ATAT1: variants seen among roughly 807,000 people sequenced by gnomAD.
ATAT1 encodes alpha tubulin acetyltransferase 1.
A neutral mutation model predicts 57.2 loss-of-function variants in ATAT1; 42 were observed. That is an observed-to-expected ratio of 0.73 (90% CI 0.57 to 0.95). The LOEUF (loss-of-function observed/expected upper bound fraction) is 0.95. ATAT1 is among the 40% of genes least tolerant of loss of function. ATAT1 has a pLI of 0.00. For missense variants in ATAT1, 454 were observed against 523.7 expected (o/e 0.87, Z 1.30); for synonymous variants, 168 against 187.1 (o/e 0.90, Z 0.83).
At chr6:30,640,675 G>C in intron 8 of ATAT1, 72 bp downstream of exon 8, 1 of 1,559,574 alleles carries the variant, frequency 6.4e-7, no homozygotes, top group African/African-American at 1.4e-5. Flanking sequence ...ACGGGGTACA[G>C]TGCCATCTGT....
chr6:30,642,513 C>G (rs566834285), intron 9 of ATAT1, among the ~76,000 whole-genome samples: 1 of 151,988 alleles, frequency 6.6e-6, no homozygotes, highest in Admixed American at 6.6e-5. Context: ...CACGGTGGCA[C>G]GTGCCTGTAA....
intron 10 of ATAT1, among the ~76,000 whole-genome samples, chr6:30,645,610 C>T (rs1766565015): frequency 6.6e-6 from 1 of 152,170 alleles, no homozygotes; most frequent in Admixed American, 6.5e-5. Flanking sequence ...TGAGTCTGTT[C>T]TTCTGACATG....
At position 30,642,793 on chromosome 6, in the gene ATAT1, T is replaced by C. The variant is rs1328704690; in HGVS notation, c.714T>C (p.Pro238=). 9 of 1,612,188 alleles carry C rather than the reference T, an allele frequency of 5.6e-6. No individual in the cohort carries two copies. In the East Asian group the frequency reaches 8.9e-5, roughly 16 times the overall value. Residue 238 remains proline (P), a synonymous_variant, in exon 10 of 13, where the codon CCT becomes CCC. Coordinates refer to ENST00000330083, the MANE Select transcript of ATAT1 (RefSeq NM_001031722.4). ...TTCTGAAGGTAGCTGTGGAGCCTCCTTGGCCCCTAAACAGGGCCCCTCGCC... is the reference window on the plus strand; with the variant it reads ...TTCTGAAGGTAGCTGTGGAGCCTCCCTGGCCCCTAAACAGGGCCCCTCGCC...
At chr6:30,643,448 C>T in intron 10 of ATAT1, 2 of 1,544,382 alleles carry the variant, frequency 1.3e-6, no homozygotes, top group Non-Finnish European at 1.7e-6. Flanking sequence ...TTCTCTTCAC[C>T]TCTGACTTCT....
intron 10 of ATAT1, chr6:30,643,811 G>A: frequency 2.2e-6 from 3 of 1,334,174 alleles, no homozygotes; most frequent in Non-Finnish European, 2.9e-6. Context: ...TTCCCAACAG[G>A]AAGTCTGATC....
intron 6 of ATAT1, among the ~76,000 whole-genome samples, chr6:30,635,077 TTG>T (rs759066341): frequency 3.3e-5 from 5 of 152,178 alleles, no homozygotes; most frequent in Non-Finnish European, 5.9e-5. Flanking sequence ...AGTAGTTGGT[TTG>T]TGTGAGATGG....
At chr6:30,643,541 C>A in intron 10 of ATAT1, 1 of 1,550,790 alleles carries the variant, frequency 6.4e-7, no homozygotes, top group Non-Finnish European at 8.7e-7. Context: ...CCCTTCCCCG[C>A]TCTGAGGAGA....
chr6:30,645,819 T>C (rs1352014905), intron 10 of ATAT1, 76 bp from the exon 11 acceptor site: 1 of 1,061,604 alleles, frequency 9.4e-7, no homozygotes. Flanking sequence ...CTTTTACTCC[T>C]CTCCTCTGAT....
intron 6 of ATAT1, among the ~76,000 whole-genome samples, chr6:30,637,235 C>T (rs1052282561): frequency 2.0e-5 from 3 of 152,104 alleles, no homozygotes; most frequent in African/African-American, 7.2e-5. Context: ...TGGATTCTTG[C>T]ACATCTTTTT....
At position 30,626,875 on chromosome 6, in the gene ATAT1, C is replaced by G. The variant is rs766730224; in HGVS notation, c.-329C>G. 5 of 1,601,154 alleles carry G rather than the reference C, an allele frequency of 3.1e-6. No homozygotes were observed. The highest frequency in any genetic ancestry group is 4.3e-6 in the Non-Finnish European group (5 of 1,174,532). On this transcript the variant is annotated 5_prime_UTR_variant, in exon 1 of 13. Transcript: ENST00000330083. Reference sequence around the variant, plus strand: ...GTCGTGTGGGGCGGGTCCGACCGCGCACAATGGGCCATGGAGTTCCCGTTC... The same window carrying G: ...GTCGTGTGGGGCGGGTCCGACCGCGGACAATGGGCCATGGAGTTCCCGTTC...
chr6:30,627,385 A>G (rs1057428344), intron 1 of ATAT1, 75 bp from the exon 2 acceptor site: 1 of 1,601,384 alleles, frequency 6.2e-7, no homozygotes, highest in East Asian at 2.2e-5. Context: ...GTTGTGGCCC[A>G]GGTTCCCAGG....
At chr6:30,628,794 G>A (rs1762211170) in intron 6 of ATAT1, among the ~76,000 whole-genome samples, 1 of 151,828 alleles carries the variant, frequency 6.6e-6, no homozygotes, top group Non-Finnish European at 1.5e-5. Flanking sequence ...TAGTGGAGAC[G>A]GAGTTACACC....
intron 6 of ATAT1, among the ~76,000 whole-genome samples, chr6:30,629,001 A>G (rs1235300407): frequency 2.0e-5 from 3 of 151,666 alleles, no homozygotes; most frequent in African/African-American, 7.3e-5. Context: ...TCTGGGCTCA[A>G]GCGATACTCC....
chr6:30,627,777 G>A (rs1761991905), intron 3 of ATAT1, 50 bp downstream of exon 3: 4 of 1,605,382 alleles, frequency 2.5e-6, no homozygotes, highest in African/African-American at 2.7e-5. Flanking sequence ...TCCTTCCTCA[G>A]CCCTTCCCCC....
chr6:30,643,665 A>G, intron 10 of ATAT1: 5 of 1,536,908 alleles, frequency 3.3e-6, no homozygotes, highest in Non-Finnish European at 4.4e-6. Flanking sequence ...ACCCAGTGGA[A>G]CCTGACAGAG....
chr6:30,639,479 C>CTTTT (rs979708714), intron 6 of ATAT1, among the ~76,000 whole-genome samples: 3 of 139,528 alleles, frequency 2.2e-5, no homozygotes, highest in African/African-American at 2.6e-5. Flanking sequence ...CACTTTCTTT[C>CTTTT]TTTTTTTTTT....
chr6:30,642,890 C>T lies in ATAT1; in HGVS notation c.811C>T (p.Arg271Cys), dbSNP rs1364073713. The stretch of plus-strand genomic sequence containing the variant: ...AAACTCACCAGAACGAGGTCCCCTC[C>T]GCCCCTTTGTGCCAGAGCAGGAGCT... Residue 271 changes from arginine (R) to cysteine (C), a missense_variant, in exon 10 of 13, where the codon CGC becomes TGC. By Grantham distance (180) the Arg-to-Cys change is radical (BLOSUM62 -3). Transcript: ENST00000330083. 6.8e-6 allele frequency: 11 copies of T among 1,611,508 alleles called. No homozygotes were observed. Among genetic ancestry groups the T allele is most frequent in the South Asian group, 1.1e-5 (1 of 90,878 alleles).
chr6:30,642,158 T>C lies in ATAT1; in HGVS notation c.617-18T>C. ...TGTCTCCTAACGCTTACCCTGCCTA[T>C]GTCCCCTCCACTGCCAGCTCCAGCA... On this transcript the variant is annotated intron_variant, in intron 8 of 12. Coordinates refer to ENST00000330083, the MANE Select transcript of ATAT1 (RefSeq NM_001031722.4). 1 of 1,614,038 alleles carries C rather than the reference T, an allele frequency of 6.2e-7. No homozygotes were observed. Among genetic ancestry groups the C allele is most frequent in the Non-Finnish European group, 8.5e-7 (1 of 1,179,986 alleles).
Position 30,642,832 on chromosome 6 carries a change from A to AGGGGGGGGCC in ATAT1, c.754_755insGGGGGGGCCG (p.Ala252GlyfsTer51). ...GGGCCCCTCGCCGCGCCACACCTCC[A>AGGGGGGGGCC]GCCCACCCACCCCCCCGCTCCAGCA... is the stretch of plus-strand genomic sequence containing the variant. On this transcript the variant is annotated frameshift_variant, in exon 10 of 13. Coordinates refer to ENST00000330083, the MANE Select transcript of ATAT1 (RefSeq NM_001031722.4). LOFTEE classifies it high-confidence loss of function. 8.1e-7 allele frequency: 1 copy of AGGGGGGGGCC among 1,230,740 alleles called. No individual in the cohort carries two copies. Among genetic ancestry groups the AGGGGGGGGCC allele is most frequent in the Non-Finnish European group, 1.1e-6 (1 of 892,682 alleles). The allele number at this position is 1,230,740 out of a possible 1,614,324, so 76.2% of individuals were successfully genotyped here. A position where few individuals can be genotyped will look rare whatever the true frequency, so the allele number is the denominator to read the frequency against.
Sources: allele counts gnomAD v4.1 joint callset (sites outside exome capture counted in the v4.1 genomes callset), GRCh38; gene constraint gnomAD v4.1.1; transcripts MANE v1.5; gene names NCBI Gene and HGNC (gene_info 2026-07-23, HGNC 2026-07-21).